Variants in ME3 observed in about 807,000 individuals in gnomAD.
ME3 encodes the protein NADP-dependent malic enzyme, mitochondrial.
Under a neutral mutation model 68.9 loss-of-function variants are expected in ME3, and 48 were observed. The ratio of observed to expected loss-of-function variants is 0.70; its 90% CI spans 0.55 to 0.89. The LOEUF is 0.89. Among genes scored for constraint, ME3 ranks in the 40% least tolerant of loss-of-function variants. The pLI is 0.00. For synonymous variants in ME3, 320 were observed against 318.8 expected (o/e 1.00, Z -0.04); for missense variants, 675 against 797.4 (o/e 0.85, Z 1.85).
chr11:86,652,769 T>C (rs1594791543), intron 2 of ME3, among the ~76,000 whole-genome samples: 1 of 152,254 alleles, frequency 6.6e-6, no homozygotes. Context: ...GTAAATGGGC[T>C]AAATGCTCCA....
At chr11:86,668,887 T>C (rs1266864685) in intron 2 of ME3, among the ~76,000 whole-genome samples, 2 of 152,168 alleles carry the variant, frequency 1.3e-5, no homozygotes, top group African/African-American at 4.8e-5. Context: ...ACGAATCTCA[T>C]TACCTGGCCT....
At chr11:86,580,373 T>G (rs1030473541) in intron 2 of ME3, among the ~76,000 whole-genome samples, 1 of 144,020 alleles carries the variant, frequency 6.9e-6, no homozygotes, top group Non-Finnish European at 1.5e-5. Flanking sequence ...TTCTGGTAAG[T>G]AAAGTTAATA....
intron 7 of ME3, among the ~76,000 whole-genome samples, chr11:86,476,720 ACTGAATAGGT>A (rs1281091471): frequency 6.6e-6 from 1 of 152,158 alleles, no homozygotes; most frequent in Non-Finnish European, 1.5e-5. Context: ...GGAGAGCAAA[ACTGAATAGGT>A]CTGTGTTGGG....
chr11:86,652,934 G>A (rs1048158443), intron 2 of ME3, among the ~76,000 whole-genome samples: 9 of 151,432 alleles, frequency 5.9e-5, no homozygotes, highest in Non-Finnish European at 1.0e-4. Flanking sequence ...AAAAAGGCAG[G>A]GGTTGCAGTC....
intron 6 of ME3, among the ~76,000 whole-genome samples, chr11:86,490,652 C>T (rs1279589293): frequency 6.6e-6 from 1 of 152,156 alleles, no homozygotes. Flanking sequence ...AATTATAACT[C>T]TCTGAAGCAC....
chr11:86,521,526 C>T (rs1414004112), intron 4 of ME3, among the ~76,000 whole-genome samples: 1 of 151,704 alleles, frequency 6.6e-6, no homozygotes, highest in African/African-American at 2.4e-5. Flanking sequence ...AATACATGTA[C>T]AAAGTCAGTC....
At chr11:86,540,486 A>G (rs921911788) in intron 4 of ME3, among the ~76,000 whole-genome samples, 1 of 152,178 alleles carries the variant, frequency 6.6e-6, no homozygotes. Flanking sequence ...GACACACCCC[A>G]GATAGGACCT....
chr11:86,566,317 CTG>C (rs1279517277), intron 2 of ME3, among the ~76,000 whole-genome samples: 1 of 152,176 alleles, frequency 6.6e-6, no homozygotes, highest in Non-Finnish European at 1.5e-5. Flanking sequence ...GTGAAGAAAA[CTG>C]TGCAGGTGAT....
chr11:86,647,928 T>C (rs986434078), intron 2 of ME3, among the ~76,000 whole-genome samples: 11 of 152,100 alleles, frequency 7.2e-5, no homozygotes, highest in African/African-American at 2.7e-4. Flanking sequence ...TCTACAGAAC[T>C]CTCCACCCCA....
At chr11:86,503,078 C>G (rs1565869684) in intron 5 of ME3, among the ~76,000 whole-genome samples, 2 of 152,130 alleles carry the variant, frequency 1.3e-5, no homozygotes, top group Non-Finnish European at 2.9e-5. Flanking sequence ...CTCTCTCTTT[C>G]TACCGCAAAA....
intron 6 of ME3, among the ~76,000 whole-genome samples, chr11:86,493,436 C>T (rs1018596710): frequency 2.0e-5 from 3 of 152,232 alleles, no homozygotes; most frequent in African/African-American, 4.8e-5. Context: ...CCTGCCTTAG[C>T]ACAGGGTGGG....
At chr11:86,458,668 C>T (rs1950070360) in intron 8 of ME3, among the ~76,000 whole-genome samples, 1 of 151,912 alleles carries the variant, frequency 6.6e-6, no homozygotes, top group Admixed American at 6.6e-5. Flanking sequence ...GTTAAAGAGA[C>T]CAGGGGAAGT....
At chr11:86,618,288 A>C (rs1943107365) in intron 2 of ME3, among the ~76,000 whole-genome samples, 1 of 108,544 alleles carries the variant, frequency 9.2e-6, no homozygotes, top group Non-Finnish European at 1.8e-5. Context: ...CGACAGAGCA[A>C]GGCTCTGTCT....
At chr11:86,483,287 A>C (rs1951514110) in intron 7 of ME3, among the ~76,000 whole-genome samples, 1 of 152,194 alleles carries the variant, frequency 6.6e-6, no homozygotes, top group Non-Finnish European at 1.5e-5. Context: ...TTGAAGTGAC[A>C]CAGAGAATGA....
chr11:86,658,893 T>G (rs1360581985), intron 2 of ME3, among the ~76,000 whole-genome samples: 1 of 152,220 alleles, frequency 6.6e-6, no homozygotes, highest in Non-Finnish European at 1.5e-5. Context: ...TAGGTTTTTC[T>G]CTACACCAAC....
intron 2 of ME3, among the ~76,000 whole-genome samples, chr11:86,608,382 A>G (rs982742313): frequency 2.6e-5 from 4 of 152,216 alleles, no homozygotes; most frequent in African/African-American, 9.6e-5. Context: ...CATTTCTACT[A>G]AAACAAAGTA....
rs1163277100 is a variant in ME3, at chr11:86,595,276, C to CAT, written c.184-35455_184-35454dup. Among the ~76,000 whole-genome samples the CAT allele has an allele frequency of 2.8e-5, 3 of 105,906 alleles. 1 individual carries two copies. The highest frequency in any genetic ancestry group is 7.5e-5 in the African/African-American group (2 of 26,764). 69.5% of individuals were successfully genotyped at this position (105,906 alleles called of 152,430 possible). A position where few individuals can be genotyped will look rare whatever the true frequency, so the allele number is the denominator to read the frequency against. The stretch of plus-strand genomic sequence containing the variant: ...GAAATTTTCAGAATACTCTATTTTA[C>CAT]ATATATATACATATACATATATATA... On this transcript the variant is annotated intron_variant, in intron 2 of 14. Coordinates refer to ENST00000543262, the Ensembl canonical transcript of ME3.
chr11:86,451,017 A>G (rs1173396777), intron 8 of ME3, among the ~76,000 whole-genome samples: 1 of 152,240 alleles, frequency 6.6e-6, no homozygotes, highest in Non-Finnish European at 1.5e-5. Flanking sequence ...CAGCTGACCA[A>G]GGAGAAAAAA....
chr11:86,650,866 G>A (rs1384563114), intron 2 of ME3, among the ~76,000 whole-genome samples: 1 of 152,146 alleles, frequency 6.6e-6, no homozygotes, highest in Non-Finnish European at 1.5e-5. Flanking sequence ...GGTGACAGAG[G>A]GCACCAGGAA....
Sources: allele counts gnomAD v4.1 joint callset (sites outside exome capture counted in the v4.1 genomes callset), GRCh38; gene constraint gnomAD v4.1.1; transcripts MANE v1.5; gene names NCBI Gene and HGNC (gene_info 2026-07-23, HGNC 2026-07-21).